Variants in HEPH observed in about 807,000 individuals in gnomAD.
The protein encoded by HEPH is hephaestin.
A neutral mutation model predicts 80.8 loss-of-function variants in HEPH; 69 were observed. The observed-to-expected ratio is 0.85, with a 90% CI of 0.70 to 1.04. The LOEUF is 1.04. Among genes scored for constraint, HEPH ranks in the 50% least tolerant of loss-of-function variants. The pLI is 0.00. For synonymous variants in HEPH, 431 were observed against 322.8 expected (o/e 1.34, Z -3.60); for missense variants, 1,115 against 891.3 (o/e 1.25, Z -3.20).
At chrX:66,180,564 T>C (rs1275849882) in intron 4 of HEPH, among the ~76,000 whole-genome samples, 2 of 109,820 alleles carry the variant, frequency 1.8e-5, no homozygotes, top group African/African-American at 6.6e-5. Context: ...GTCTTAACTT[T>C]AGATAACCTG....
At chrX:66,207,834 C>A (rs1238895314) in intron 14 of HEPH, among the ~76,000 whole-genome samples, 1 of 110,921 alleles carries the variant, frequency 9.0e-6, no homozygotes, top group Non-Finnish European at 1.9e-5. Context: ...TTCTTTAGAC[C>A]CTTGGGCTGT....
intron 15 of HEPH, among the ~76,000 whole-genome samples, chrX:66,212,064 G>A (rs2089158275): frequency 9.1e-6 from 1 of 109,297 alleles, no homozygotes; most frequent in African/African-American, 3.3e-5. Flanking sequence ...CTGTCATTGT[G>A]GTTTTAATGT....
intron 15 of HEPH, among the ~76,000 whole-genome samples, chrX:66,245,447 G>A (rs2090767167): frequency 9.0e-6 from 1 of 111,721 alleles, no homozygotes; most frequent in Non-Finnish European, 1.9e-5. Flanking sequence ...AAATATATGT[G>A]CACCCAATAC....
intron 10 of HEPH, among the ~76,000 whole-genome samples, chrX:66,198,399 GATTA>G (rs1485320410): frequency 8.9e-6 from 1 of 112,139 alleles, no homozygotes; most frequent in Non-Finnish European, 1.9e-5. Context: ...TTTCTGTGAA[GATTA>G]ATTAAAATAA....
rs181381901 is a variant in HEPH, at chrX:66,196,680, C to G, written c.1502-1003C>G. Reference sequence around the variant, plus strand: ...CCATTAGCAGTACCTGAGGAGGACTCCTTTTCTTACAACCTCATCAGCACT... The same window carrying G: ...CCATTAGCAGTACCTGAGGAGGACTGCTTTTCTTACAACCTCATCAGCACT... On this transcript the variant is annotated intron_variant, in intron 9 of 20. Transcript: ENST00000343002. 4.4e-4 allele frequency among the ~76,000 whole-genome samples: 49 copies of G among 111,960 alleles called. No homozygotes were observed. The East Asian group carries it at 6.1e-3, about 14-fold the overall frequency.
chrX:66,226,721 A>G (rs1008720013), intron 15 of HEPH, among the ~76,000 whole-genome samples: 2 of 111,565 alleles, frequency 1.8e-5, no homozygotes, highest in Non-Finnish European at 1.9e-5. Context: ...GAAATATACA[A>G]TGCTCCTAGT....
intron 11 of HEPH, among the ~76,000 whole-genome samples, chrX:66,199,477 C>G (rs1179008555): frequency 9.0e-6 from 1 of 111,059 alleles, no homozygotes; most frequent in African/African-American, 3.3e-5. Flanking sequence ...ATTCCCATTA[C>G]TAGTTAGTTT....
chrX:66,197,792 G>C lies in HEPH; in HGVS notation c.1611G>C (p.Trp537Cys). Residue 537 changes from tryptophan to cysteine, a missense_variant, in exon 10 of 21, where the codon TGG becomes TGC. Trp to Cys is a radical substitution (Grantham distance 215). This residue lies in a region of HEPH where 716 missense variants were observed against 523.5 expected (regional missense o/e 1.37). Transcript: ENST00000343002. ...PTAQDPACLT[W>C]MYFSAADPIR... ...CTCAGGATCCTGCTTGTCTCACTTGGATGTACTTCTCTGCTGCAGATCCCA... is the reference window on the plus strand; with the variant it reads ...CTCAGGATCCTGCTTGTCTCACTTGCATGTACTTCTCTGCTGCAGATCCCA... 1 of 1,211,496 alleles carries C rather than the reference G, an allele frequency of 8.3e-7. No individual in the cohort carries two copies. The highest frequency in any genetic ancestry group is 1.1e-6 in the Non-Finnish European group (1 of 895,286).
intron 20 of HEPH, among the ~76,000 whole-genome samples, chrX:66,265,469 G>C (rs912216747): frequency 2.7e-5 from 3 of 110,632 alleles, no homozygotes; most frequent in Non-Finnish European, 5.7e-5. Context: ...TGTTAGGTAT[G>C]GTTGTTATTC....
intron 20 of HEPH, among the ~76,000 whole-genome samples, chrX:66,265,307 G>A (rs2091501686): frequency 9.0e-6 from 1 of 110,851 alleles, no homozygotes; most frequent in Non-Finnish European, 1.9e-5. Context: ...AATGGAATGA[G>A]GCACAGAAAT....
chrX:66,169,731 C>T (rs1320128060), intron 1 of HEPH, among the ~76,000 whole-genome samples: 3 of 112,050 alleles, frequency 2.7e-5, no homozygotes, highest in Non-Finnish European at 5.6e-5. Flanking sequence ...AAACTGAACA[C>T]GCTTTTACAA....
intron 15 of HEPH, among the ~76,000 whole-genome samples, chrX:66,254,045 A>G (rs2091091615): frequency 9.0e-6 from 1 of 111,420 alleles, no homozygotes; most frequent in Admixed American, 9.6e-5. Context: ...GTAATATACT[A>G]AAAACATTGA....
At chrX:66,186,401 C>T (rs1449029802) in intron 4 of HEPH, among the ~76,000 whole-genome samples, 1 of 111,563 alleles carries the variant, frequency 9.0e-6, no homozygotes, top group Non-Finnish European at 1.9e-5. Flanking sequence ...GATATAGTCT[C>T]GTGGTGCGCG....
chrX:66,253,711 T>C (rs762804627), intron 15 of HEPH, among the ~76,000 whole-genome samples: 26 of 112,388 alleles, frequency 2.3e-4, no homozygotes, highest in Non-Finnish European at 4.1e-4. Context: ...AACTGAAGAA[T>C]GAATGAATAA....
At chrX:66,213,107 A>G (rs1036305728) in intron 15 of HEPH, among the ~76,000 whole-genome samples, 9 of 109,575 alleles carry the variant, frequency 8.2e-5, no homozygotes, top group African/African-American at 2.7e-4. Context: ...ATATGTATAC[A>G]TGTGACATGC....
At chrX:66,179,042 T>A (rs897201055) in intron 4 of HEPH, among the ~76,000 whole-genome samples, 1 of 111,825 alleles carries the variant, frequency 8.9e-6, no homozygotes, top group African/African-American at 3.2e-5. Flanking sequence ...CTAAATGGTA[T>A]TGCCTAGGTT....
intron 15 of HEPH, among the ~76,000 whole-genome samples, chrX:66,229,974 G>T (rs2090057685): frequency 1.2e-5 from 1 of 86,124 alleles, no homozygotes; most frequent in Non-Finnish European, 2.2e-5. Flanking sequence ...CCCTTCCTGT[G>T]TCCATGTGAT....
chrX:66,252,570 G>A (rs1165386067), intron 15 of HEPH, among the ~76,000 whole-genome samples: 3 of 111,645 alleles, frequency 2.7e-5, no homozygotes, highest in Non-Finnish European at 5.7e-5. Context: ...TGAATATTAG[G>A]GAGCCATTAC....
At chrX:66,224,600 A>G (rs2089798714) in intron 15 of HEPH, among the ~76,000 whole-genome samples, 1 of 112,226 alleles carries the variant, frequency 8.9e-6, no homozygotes, top group Admixed American at 9.4e-5. Context: ...TCTTGCTGCT[A>G]TAGATTGAAT....
Sources: gnomAD v4.1 joint callset for allele counts (sites outside exome capture counted in the v4.1 genomes callset) on GRCh38, gnomAD v4.1.1 for gene constraint, gnomAD v4.1.1 regional missense constraint, MANE v1.5 for transcripts, NCBI Gene and HGNC (gene_info 2026-07-23, HGNC 2026-07-21) for gene names.